TMEM178B: variants seen among roughly 807,000 people sequenced by gnomAD.
The protein encoded by TMEM178B is transmembrane protein 178B.
A neutral mutation model predicts 31.0 loss-of-function variants in TMEM178B; 5 were observed. The observed-to-expected ratio is 0.16, with a 90% CI of 0.08 to 0.34. The LOEUF is 0.34. TMEM178B is among the 10% of genes least tolerant of loss of function. TMEM178B has a pLI of 1.00. For missense variants in TMEM178B, 275 were observed against 400.3 expected, an observed-to-expected ratio of 0.69 and a Z score of 2.67; for synonymous variants, 164 against 164.0, an observed-to-expected ratio of 1.00 and a Z score of 0.00.
At chr7:141,199,867 C>T (rs183300473) in intron 1 of TMEM178B, among the ~76,000 whole-genome samples, 244 of 152,238 alleles carry the variant, frequency 1.6e-3, no homozygotes, top group Middle Eastern at 0.01. Context: ...CTGGCTAACA[C>T]GGTGAAACCC....
At chr7:141,458,431 C>T (rs866292650) in intron 3 of TMEM178B, among the ~76,000 whole-genome samples, 4 of 152,150 alleles carry the variant, frequency 2.6e-5, no homozygotes, top group Non-Finnish European at 5.9e-5. Context: ...GGATCTGTCT[C>T]AGAAGTGTAT....
At chr7:141,392,150 A>G (rs1800554831) in intron 2 of TMEM178B, among the ~76,000 whole-genome samples, 3 of 152,322 alleles carry the variant, frequency 2.0e-5, no homozygotes, top group African/African-American at 7.2e-5. Flanking sequence ...ATAAACAATT[A>G]TATACTGATC....
intron 2 of TMEM178B, among the ~76,000 whole-genome samples, chr7:141,326,157 G>A (rs190913842): frequency 1.3e-5 from 2 of 152,118 alleles, no homozygotes; most frequent in African/African-American, 4.8e-5. Flanking sequence ...AGTGAACAAA[G>A]GAACCATGTA....
At chr7:141,328,438 A>T (rs1420882919) in intron 2 of TMEM178B, among the ~76,000 whole-genome samples, 1 of 152,194 alleles carries the variant, frequency 6.6e-6, no homozygotes, top group Non-Finnish European at 1.5e-5. Context: ...TTCCAAGCCT[A>T]AAAAAGTCAC....
At position 141,140,047 on chromosome 7, in the gene TMEM178B, C is replaced by T. The variant is rs558517781; in HGVS notation, c.382+65355C>T. On this transcript the variant is annotated intron_variant, in intron 1 of 3. Coordinates refer to ENST00000565468, the MANE Select transcript of TMEM178B (RefSeq NM_001195278.2). ...CCCCAGAGTGCTGGGATTACAGGCA[C>T]GAGCCACTGCACCCGGCCAGAGGTT... is the stretch of plus-strand genomic sequence containing the variant. 2.0e-4 allele frequency among the ~76,000 whole-genome samples: 31 copies of T among 152,214 alleles called. No individual in the cohort carries two copies. In the Middle Eastern group the frequency reaches 0.017, roughly 84 times the overall value.
the TMEM178B span, among the ~76,000 whole-genome samples, chr7:141,508,380 C>A: frequency 5.9e-5 from 9 of 152,202 alleles, no homozygotes; most frequent in Non-Finnish European, 1.0e-4. Context: ...AGCCATTCAG[C>A]AAGTCTCTAG....
At chr7:141,186,414 T>G (rs925799904) in intron 1 of TMEM178B, among the ~76,000 whole-genome samples, 10 of 152,196 alleles carry the variant, frequency 6.6e-5, no homozygotes, top group African/African-American at 2.2e-4. Context: ...AGCAGCCCCA[T>G]CCTGCCCTTC....
chr7:141,202,904 G>C (rs1209442298), intron 1 of TMEM178B, among the ~76,000 whole-genome samples: 2 of 152,186 alleles, frequency 1.3e-5, no homozygotes, highest in Non-Finnish European at 2.9e-5. Flanking sequence ...TGGGGGGTGT[G>C]GGAACCACCA....
chr7:141,337,298 T>TCACCAC (rs1170005211), intron 2 of TMEM178B, among the ~76,000 whole-genome samples: 2 of 113,592 alleles, frequency 1.8e-5, no homozygotes, highest in African/African-American at 6.8e-5. Context: ...ACCATCCCCA[T>TCACCAC]CACCACCACC....
At chr7:141,487,120 A>G in the TMEM178B span, among the ~76,000 whole-genome samples, 14 of 152,164 alleles carry the variant, frequency 9.2e-5, no homozygotes, top group Admixed American at 9.2e-4. Context: ...TGCTGTTTAC[A>G]CAAACTGTGG....
intron 2 of TMEM178B, among the ~76,000 whole-genome samples, chr7:141,249,249 A>T (rs894272725): frequency 6.6e-6 from 1 of 152,090 alleles, no homozygotes; most frequent in African/African-American, 2.4e-5. Context: ...GTCTCCTGAG[A>T]TCTGATGGTT....
intron 2 of TMEM178B, among the ~76,000 whole-genome samples, chr7:141,360,904 GA>G (rs137855582): frequency 4.4e-4 from 65 of 148,592 alleles, no homozygotes; most frequent in South Asian, 3.0e-3. Flanking sequence ...CATGGTGGAA[GA>G]AAAAAAAAAG....
chr7:141,281,003 G>A (rs1172957030), intron 2 of TMEM178B, among the ~76,000 whole-genome samples: 1 of 152,182 alleles, frequency 6.6e-6, no homozygotes, highest in Non-Finnish European at 1.5e-5. Context: ...GCAAGGTGAA[G>A]CACAATCTTT....
At chr7:141,083,520 A>AGACG (rs1319208718) in intron 1 of TMEM178B, among the ~76,000 whole-genome samples, 1 of 151,870 alleles carries the variant, frequency 6.6e-6, no homozygotes, top group Non-Finnish European at 1.5e-5. Flanking sequence ...ACAGACAGAC[A>AGACG]GACAGACAGA....
chr7:141,170,317 G>T (rs1438512740), intron 1 of TMEM178B, among the ~76,000 whole-genome samples: 2 of 152,112 alleles, frequency 1.3e-5, no homozygotes, highest in Admixed American at 6.6e-5. Context: ...CATTTATAAT[G>T]AGTAATTTTT....
chr7:141,437,545 G>A (rs1801568726), intron 2 of TMEM178B, 63 bp from the exon 3 acceptor site: 1 of 1,525,780 alleles, frequency 6.6e-7, no homozygotes, highest in Non-Finnish European at 8.8e-7. Context: ...CCAGGGCTGG[G>A]GTATACCCTG....
At chr7:141,465,101 A>G (rs1052888501) in intron 3 of TMEM178B, among the ~76,000 whole-genome samples, 14 of 152,218 alleles carry the variant, frequency 9.2e-5, no homozygotes, top group East Asian at 3.9e-4. Context: ...GTGAAATACA[A>G]TGAAGACTTA....
intron 1 of TMEM178B, among the ~76,000 whole-genome samples, chr7:141,109,008 C>T (rs1563090096): frequency 6.6e-6 from 1 of 152,156 alleles, no homozygotes; most frequent in Non-Finnish European, 1.5e-5. Flanking sequence ...ACGGATTTCC[C>T]CTTATCAAAC....
chr7:141,497,416 CT>C, the TMEM178B span, among the ~76,000 whole-genome samples: 35 of 152,290 alleles, frequency 2.3e-4, no homozygotes, highest in African/African-American at 8.4e-4. Context: ...AATTCCTTAA[CT>C]TTAAGTTGTG....
Sources: allele counts gnomAD v4.1 joint callset (sites outside exome capture counted in the v4.1 genomes callset), GRCh38; gene constraint gnomAD v4.1.1; transcripts MANE v1.5; gene names NCBI Gene and HGNC (gene_info 2026-07-23, HGNC 2026-07-21).